The following STRBP variants were observed in gnomAD, a reference collection of about 807,000 sequenced individuals.
STRBP encodes the protein spermatid perinuclear RNA binding protein.
STRBP carries 13 observed loss-of-function variants against 80.1 expected under a neutral mutation model. The observed-to-expected ratio is 0.16, with a 90% CI of 0.11 to 0.26. The LOEUF (loss-of-function observed/expected upper bound fraction) is 0.26, where lower values mean the gene tolerates loss of function less well. Ranked by LOEUF, STRBP falls within the 10% of genes least tolerant of loss-of-function variation. The pLI, the probability that STRBP is intolerant of heterozygous loss-of-function variation, is 1.00. For missense variants in STRBP, 485 were observed against 815.2 expected (o/e 0.59, Z 4.93); for synonymous variants, 284 against 291.2 (o/e 0.98, Z 0.25).
intron 13 of STRBP, among the ~76,000 whole-genome samples, chr9:123,142,617 C>T (rs1230119492): frequency 1.3e-5 from 2 of 152,308 alleles, no homozygotes; most frequent in African/African-American, 4.8e-5. Flanking sequence ...TAGTAATTTT[C>T]CATCCACTGA....
intron 2 of STRBP, among the ~76,000 whole-genome samples, chr9:123,202,829 C>T (rs1168142102): frequency 6.6e-6 from 1 of 152,150 alleles, no homozygotes; most frequent in African/African-American, 2.4e-5. Flanking sequence ...TATACACCTA[C>T]TATCTACCCT....
intron 1 of STRBP, among the ~76,000 whole-genome samples, chr9:123,243,924 T>A (rs2040748305): frequency 6.6e-6 from 1 of 152,218 alleles, no homozygotes; most frequent in South Asian, 2.1e-4. Context: ...CCTAGATATT[T>A]ATCTAAATGA....
chr9:123,170,704 C>A (rs2037971385), intron 5 of STRBP, among the ~76,000 whole-genome samples: 1 of 152,148 alleles, frequency 6.6e-6, no homozygotes, highest in Non-Finnish European at 1.5e-5. Flanking sequence ...TTTTAACATA[C>A]AAATATAAAC....
intron 2 of STRBP, among the ~76,000 whole-genome samples, chr9:123,190,514 TCA>T (rs1399170787): frequency 1.3e-5 from 2 of 151,122 alleles, no homozygotes; most frequent in African/African-American, 4.9e-5. Context: ...CAATTACTTA[TCA>T]ATAGCTAATA....
intron 2 of STRBP, among the ~76,000 whole-genome samples, chr9:123,231,007 G>A (rs2040382846): frequency 1.3e-5 from 2 of 152,224 alleles, no homozygotes; most frequent in South Asian, 4.1e-4. Flanking sequence ...AATGTAGGGA[G>A]TAAGTGATCT....
chr9:123,223,936 T>A (rs547382970), intron 2 of STRBP, among the ~76,000 whole-genome samples: 1 of 152,188 alleles, frequency 6.6e-6, no homozygotes, highest in South Asian at 2.1e-4. Context: ...GGTGCTAGAG[T>A]AGAGCAACAA....
intron 2 of STRBP, among the ~76,000 whole-genome samples, chr9:123,218,438 C>T (rs1008261078): frequency 5.6e-5 from 8 of 143,812 alleles, no homozygotes; most frequent in African/African-American, 1.8e-4. Flanking sequence ...GGCGCAATCT[C>T]GGCTCACTGC....
intron 1 of STRBP, among the ~76,000 whole-genome samples, chr9:123,260,192 C>T (rs2041130435): frequency 6.6e-6 from 1 of 152,074 alleles, no homozygotes; most frequent in South Asian, 2.1e-4. Context: ...AATGATGTTG[C>T]AGGAGAGAGA....
intron 2 of STRBP, among the ~76,000 whole-genome samples, chr9:123,200,137 T>C (rs1335695009): frequency 1.3e-5 from 2 of 152,224 alleles, no homozygotes; most frequent in African/African-American, 4.8e-5. Context: ...GATGATCATA[T>C]GGCTTTTGTT....
rs137916924 is a variant in STRBP at position 123,125,627 on chromosome 9, T to C, written c.1989A>G (p.Thr663=). 1.2e-6 allele frequency: 2 copies of C among 1,613,526 alleles called. No individual in the cohort carries two copies. The highest frequency in any genetic ancestry group is 2.2e-5 in the East Asian group (1 of 44,824). ...MVLLPVMKFP[T]YPVPHYSFF is the part of the protein sequence containing the mutation. ...AGAATGAGTAGTGGGGAACAGGATA[T>C]GTTGGAAATTTCATAACGGGTAACA... Residue 663 remains threonine, a synonymous_variant, in exon 19 of 19, where the codon ACA becomes ACG. Transcript: ENST00000348403.
At chr9:123,118,285 C>T (rs541513222), downstream of STRBP, among the ~76,000 whole-genome samples, 1 of 152,272 alleles carries the variant, frequency 6.6e-6, no homozygotes, top group South Asian at 2.1e-4. Flanking sequence ...CTTCCTACTC[C>T]TTCAGTCCAC....
In STRBP at chr9:123,139,511, A is replaced by AC. The variant is rs769840262; in HGVS notation, c.1497+17_1497+18insG. The AC allele has an allele frequency of 6.5e-7, 1 of 1,542,114 alleles. No individual in the cohort carries two copies. Among genetic ancestry groups the AC allele is most frequent in the South Asian group, 1.3e-5 (1 of 79,154 alleles). On this transcript the variant is annotated intron_variant, in intron 14 of 18. Transcript: ENST00000348403. ...GCACATATATGTTATTTTTTTTCTG[A>AC]GAAAAAAATAAGTATACCTCTAAGG...
chr9:123,227,360 T>C (rs922305345), intron 2 of STRBP, among the ~76,000 whole-genome samples: 7 of 151,986 alleles, frequency 4.6e-5, no homozygotes, highest in South Asian at 4.1e-4. Context: ...GCCCTGAGTC[T>C]AACACACACC....
intron 3 of STRBP, 48 bp from the exon 4 acceptor site, chr9:123,179,275 C>T (rs1413448927): frequency 3.3e-6 from 5 of 1,502,336 alleles, no homozygotes; most frequent in Non-Finnish European, 2.7e-6. Flanking sequence ...AGAAACATCA[C>T]CTGAAAAAGA....
At chr9:123,144,127 G>A (rs1465996179) in intron 13 of STRBP, among the ~76,000 whole-genome samples, 2 of 151,430 alleles carry the variant, frequency 1.3e-5, no homozygotes, top group Non-Finnish European at 2.9e-5. Flanking sequence ...GAACCCAGGA[G>A]GCAGAGGCTG....
intron 1 of STRBP, among the ~76,000 whole-genome samples, chr9:123,247,647 A>G (rs2040825755): frequency 6.6e-6 from 1 of 152,174 alleles, no homozygotes; most frequent in South Asian, 2.1e-4. Context: ...TATAAAATGG[A>G]AACACCATCA....
At chr9:123,255,974 T>A (rs1258898290) in intron 1 of STRBP, among the ~76,000 whole-genome samples, 1 of 151,280 alleles carries the variant, frequency 6.6e-6, no homozygotes, top group East Asian at 1.9e-4. Context: ...GCCCTCACAT[T>A]CAGTAGTTAC....
intron 4 of STRBP, among the ~76,000 whole-genome samples, chr9:123,177,176 AC>A (rs1019231279): frequency 2.6e-5 from 4 of 152,172 alleles, no homozygotes; most frequent in African/African-American, 9.7e-5. Flanking sequence ...CTTGAGTTCC[AC>A]CACATGGGAA....
At position 123,206,898 on chromosome 9, in the gene STRBP, A is replaced by G. The variant is rs765843961; in HGVS notation, c.-164-22600T>C. On this transcript the variant is annotated intron_variant, in intron 2 of 18. Transcript: ENST00000348403. ...GGTGATCCGCCCACCTTGGCCTCCC[A>G]AAGTGCTAGAATTACAGGCATGAGC... Among the ~76,000 whole-genome samples, 182 of 152,302 alleles carry G rather than the reference A, an allele frequency of 1.2e-3. 1 individual carries two copies. Among genetic ancestry groups the G allele is most frequent in the Non-Finnish European group, 1.6e-3 (109 of 68,018 alleles).
Sources: allele counts gnomAD v4.1 joint callset (sites outside exome capture counted in the v4.1 genomes callset), GRCh38; gene constraint gnomAD v4.1.1; transcripts MANE v1.5; gene names NCBI Gene and HGNC (gene_info 2026-07-23, HGNC 2026-07-21).